The following EBF4 variants were observed in gnomAD, a reference collection of about 807,000 sequenced individuals.
The protein encoded by EBF4 is EBF transcription factor 4, also known as transcription factor COE4.
A neutral mutation model predicts 67.1 loss-of-function variants in EBF4; 34 were observed. That is an observed-to-expected ratio of 0.51 (90% CI 0.39 to 0.67). EBF4 has a LOEUF of 0.67. Ranked by LOEUF, EBF4 falls within the 30% of genes least tolerant of loss-of-function variation. EBF4 has a pLI of 0.00. For missense variants in EBF4, 837 were observed against 873.3 expected, an observed-to-expected ratio of 0.96 and a Z score of 0.52; for synonymous variants, 387 against 377.7, an observed-to-expected ratio of 1.02 and a Z score of -0.29.
chr20:2,737,261 A>AAG (rs1555788293), intron 6 of EBF4, among the ~76,000 whole-genome samples: 34 of 150,430 alleles, frequency 2.3e-4, no homozygotes, highest in East Asian at 1.6e-3. Context: ...AAAAAAAAAA[A>AAG]AAAAGAAAAG....
chr20:2,758,919 T>G, exon 16 of EBF4: 1 of 1,551,812 alleles, frequency 6.4e-7, no homozygotes, highest in South Asian at 1.2e-5. Flanking sequence ...ACCAGTCTTT[T>G]GAGGATTCTG....
chr20:2,694,208 C>T (rs891653222), intron 1 of EBF4, among the ~76,000 whole-genome samples: 59 of 152,220 alleles, frequency 3.9e-4, no homozygotes, highest in Non-Finnish European at 8.8e-5. Flanking sequence ...CGAAACCCAG[C>T]CCCCTTTTTC....
chr20:2,747,313 C>CAAAAAAAAAAAAAA lies in EBF4; in HGVS notation c.558-1233_558-1232insAAAAAAAAAAAAAA, dbSNP rs1415178435. Among the ~76,000 whole-genome samples, 65 of 123,242 alleles carry CAAAAAAAAAAAAAA rather than the reference C, an allele frequency of 5.3e-4. No individual in the cohort carries two copies. The highest frequency in any genetic ancestry group is 7.0e-4 in the Non-Finnish European group (41 of 58,662). The allele number at this position is 123,242 out of a possible 152,430, so 80.9% of individuals were successfully genotyped here. On this transcript the variant is annotated intron_variant, in intron 6 of 16. Coordinates refer to ENST00000609451, the Ensembl canonical transcript of EBF4. This position sits in a 1 kb window ranked among gnomAD's most constrained non-coding sequence, Gnocchi z 4.6. ...CTCTGTCTCAAAACAAAAAACAAAA[C>CAAAAAAAAAAAAAA]AAACAAAAAAAAAAAAACAGGAAAA...
chr20:2,716,873 T>C (rs1477119790), intron 6 of EBF4, among the ~76,000 whole-genome samples: 1 of 152,222 alleles, frequency 6.6e-6, no homozygotes, highest in Admixed American at 6.5e-5. Context: ...TTAAAATCAC[T>C]ATATCTGTAT....
intron 6 of EBF4, among the ~76,000 whole-genome samples, chr20:2,738,256 G>A (rs1217803845): frequency 6.6e-6 from 1 of 152,108 alleles, no homozygotes; most frequent in Non-Finnish European, 1.5e-5. Flanking sequence ...CACCACCTCT[G>A]CCCAAGGCCA....
intron 6 of EBF4, among the ~76,000 whole-genome samples, chr20:2,718,538 A>T (rs1311823348): frequency 6.6e-6 from 1 of 152,164 alleles, no homozygotes; most frequent in Non-Finnish European, 1.5e-5. Flanking sequence ...GAATTTGTCA[A>T]TTTCTTATGA....
chr20:2,708,836 C>T (rs1260868152), intron 5 of EBF4, among the ~76,000 whole-genome samples: 1 of 152,246 alleles, frequency 6.6e-6, no homozygotes, highest in Non-Finnish European at 1.5e-5. Flanking sequence ...ATCTGGGCTG[C>T]TGGCCACGCA....
At chr20:2,734,016 T>C (rs1390698274) in intron 6 of EBF4, among the ~76,000 whole-genome samples, 1 of 152,208 alleles carries the variant, frequency 6.6e-6, no homozygotes, top group Non-Finnish European at 1.5e-5. Context: ...AAATCCTTTA[T>C]TGATTTTTTT....
rs142599341 is a variant in EBF4, at chr20:2,719,247, C to T, written c.557+9605C>T. Among the ~76,000 whole-genome samples the T allele has an allele frequency of 9.3e-3, 1,409 of 152,210 alleles. 13 individuals carry two copies. The highest frequency in any genetic ancestry group is 0.012 in the Non-Finnish European group (847 of 68,004). On this transcript the variant is annotated intron_variant, in intron 6 of 16. Transcript: ENST00000609451. ...AGCTGTGACTACAGGTGTGTGCCAC[C>T]ATACCCAGCTAATTTTTGTATTTTT...
intron 6 of EBF4, among the ~76,000 whole-genome samples, chr20:2,712,606 G>A (rs1476764610): frequency 6.6e-6 from 1 of 152,170 alleles, no homozygotes; most frequent in Non-Finnish European, 1.5e-5. Flanking sequence ...GAAAACATGA[G>A]GATGGGACTC....
chr20:2,740,151 A>G (rs1181317350), intron 6 of EBF4, among the ~76,000 whole-genome samples: 1 of 152,170 alleles, frequency 6.6e-6, no homozygotes, highest in Admixed American at 6.5e-5. Flanking sequence ...TGTCTCTACT[A>G]AAAATACAAA....
In EBF4 at chr20:2,751,765, G is replaced by A. The variant is rs1242408284; in HGVS notation, c.1084G>A (p.Gly362Arg). The A allele has an allele frequency of 3.2e-6, 5 of 1,550,014 alleles. No homozygotes were observed. Among genetic ancestry groups the A allele is most frequent in the South Asian group, 1.2e-5 (1 of 84,050 alleles). The stretch of plus-strand genomic sequence containing the variant: ...ACAGAAAGTCATTCCCAGACACCCC[G>A]GAGACCCCGAGAGGCTGCCCAAGGT... Residue 362 changes from glycine (G) to arginine (R), a missense_variant, in exon 11 of 17, where the codon GGA becomes AGA. By Grantham distance (125) the Gly-to-Arg change is moderately radical. Coordinates refer to ENST00000609451, the Ensembl canonical transcript of EBF4. The surrounding 1 kb of genome is among the most constrained non-coding windows in gnomAD (Gnocchi z 5.2).
upstream of EBF4, chr20:2,693,173 C>CGCGGGCGG (rs564691290): frequency 3.5e-5 from 5 of 141,522 alleles, no homozygotes; most frequent in African/African-American, 7.7e-5. This position sits in a 1 kb window ranked among gnomAD's most constrained non-coding sequence, Gnocchi z 4.6. Flanking sequence ...GCGCTGGCGC[C>CGCGGGCGG]GCGGGCGGGC....
At chr20:2,719,463 CG>C (rs1199389234) in intron 6 of EBF4, among the ~76,000 whole-genome samples, 1 of 152,094 alleles carries the variant, frequency 6.6e-6, no homozygotes, top group South Asian at 2.1e-4. Context: ...TTGTTAGAGA[CG>C]GGGTTTCACC....
chr20:2,752,772 C>G (rs1026481808), intron 14 of EBF4, among the ~76,000 whole-genome samples: 3 of 152,264 alleles, frequency 2.0e-5, no homozygotes, highest in African/African-American at 7.2e-5. Context: ...CAGAGTACTC[C>G]GTGCACTTTT....
chr20:2,697,184 G>C (rs190612089), intron 1 of EBF4, among the ~76,000 whole-genome samples: 1 of 152,288 alleles, frequency 6.6e-6, no homozygotes, highest in East Asian at 1.9e-4. Context: ...GGGAGGAAAA[G>C]GCCCAGAAGG....
chr20:2,753,969 G>A (rs908987193), intron 14 of EBF4, among the ~76,000 whole-genome samples: 3 of 152,018 alleles, frequency 2.0e-5, no homozygotes, highest in Non-Finnish European at 4.4e-5. Context: ...CACCCCCTTG[G>A]GCCAACACTG....
intron 6 of EBF4, among the ~76,000 whole-genome samples, chr20:2,716,808 ACTCT>A (rs1256644345): frequency 6.6e-6 from 1 of 152,008 alleles, no homozygotes; most frequent in Non-Finnish European, 1.5e-5. Context: ...CTGTTCCTAG[ACTCT>A]CTATTTTATT....
intron 1 of EBF4, among the ~76,000 whole-genome samples, chr20:2,695,595 G>A (rs949109945): frequency 2.6e-5 from 4 of 152,162 alleles, no homozygotes; most frequent in Non-Finnish European, 5.9e-5. Context: ...GCCCCCACTC[G>A]CTTTGTTGTT....
Sources: gnomAD v4.1 joint callset for allele counts (sites outside exome capture counted in the v4.1 genomes callset) on GRCh38, gnomAD v4.1.1 for gene constraint, Gnocchi (gnomAD v3.1) non-coding constraint, MANE v1.5 for transcripts, NCBI Gene and HGNC (gene_info 2026-07-23, HGNC 2026-07-21) for gene names.